The following PLIN1 variants were observed in gnomAD, a reference collection of about 807,000 sequenced individuals.
PLIN1 encodes the protein perilipin 1, also known as perilipin-1.
Under a neutral mutation model 45.8 loss-of-function variants are expected in PLIN1, and 37 were observed. The observed-to-expected ratio is 0.81, with a 90% CI of 0.62 to 1.06. The LOEUF is 1.06. Ranked by LOEUF, PLIN1 falls within the 50% of genes least tolerant of loss-of-function variation. The pLI is 0.00. For missense variants in PLIN1, 776 were observed against 716.5 expected (o/e 1.08, Z -0.95); for synonymous variants, 340 against 309.2 (o/e 1.10, Z -1.05).
chr15:89,676,077 G>A (rs974432209), intron 2 of PLIN1, among the ~76,000 whole-genome samples: 13 of 151,454 alleles, frequency 8.6e-5, no homozygotes, highest in African/African-American at 1.5e-4. Flanking sequence ...GTCAGATTCC[G>A]ATGCTCAGGC....
chr15:89,670,240 G>A lies in PLIN1; in HGVS notation c.338C>T (p.Ala113Val). The change falls in exon 5 of 9, where the codon GCT becomes GTT. Residue 113 changes from alanine (A) to valine (V), a missense_variant. By Grantham distance (64) the Ala-to-Val change is moderately conservative (BLOSUM62 0). Transcript: ENST00000300055. ...PALQYPPEKI[A>V]SELKDTISTR... Reference sequence around the variant, plus strand: ...GGAGATGGTGTCCTTCAGCTCAGAAGCAATCTGGGGGAAGTTGGTGGGGGT... The same window carrying A: ...GGAGATGGTGTCCTTCAGCTCAGAAACAATCTGGGGGAAGTTGGTGGGGGT... 1.9e-6 allele frequency: 3 copies of A among 1,610,812 alleles called. No individual in the cohort carries two copies. Among genetic ancestry groups the A allele is most frequent in the Admixed American group, 1.7e-5 (1 of 59,924 alleles).
chr15:89,671,310 G>A (rs1193576629), intron 4 of PLIN1, among the ~76,000 whole-genome samples, 172 bp downstream of exon 4: 2 of 152,034 alleles, frequency 1.3e-5, no homozygotes, highest in African/African-American at 4.8e-5. Context: ...TTCACAGGGA[G>A]AAGAGGAGCC....
rs770137939 is a variant in PLIN1, at chr15:89,667,656, TC to T, written c.908del (p.Gly303GlufsTer20). On this transcript the variant is annotated frameshift_variant, in exon 7 of 9. Transcript: ENST00000300055. LOFTEE classifies it high-confidence loss of function. ...ATTCTTCCTCCTCCTCCGTGTCCTC[TC>T]CCTCCGTGTCTGTCTGGTCCTCATG... ...EDHEDQTDTE[G>X]EDTEEEEELE... 2.8e-5 allele frequency: 45 copies of T among 1,608,676 alleles called. No homozygotes were observed. The highest frequency in any genetic ancestry group is 3.8e-5 in the Non-Finnish European group (45 of 1,177,222).
chr15:89,665,498 T>A lies in PLIN1; in HGVS notation c.*85A>T. On this transcript the variant is annotated 3_prime_UTR_variant, in exon 9 of 9. Coordinates refer to ENST00000300055, the MANE Select transcript of PLIN1 (RefSeq NM_002666.5). ...GCTCCCCAGGGGACCACTTTGAAAG[T>A]GGCAACGCTCGCCTGGGCAGTGCGG... 7.3e-7 allele frequency: 1 copy of A among 1,365,234 alleles called. No homozygotes were observed. Among genetic ancestry groups the A allele is most frequent in the Non-Finnish European group, 9.9e-7 (1 of 1,012,624 alleles). 84.6% of individuals were successfully genotyped at this position (1,365,234 alleles called of 1,614,324 possible). A position where few individuals can be genotyped will look rare whatever the true frequency, so the allele number is the denominator to read the frequency against.
Position 89,667,634 on chromosome 15 carries a change from C to T in PLIN1, c.931G>A (p.Glu311Lys), listed in dbSNP as rs1964370399. ...AACTTGTTCTCCTCAGTCTCCAATT[C>T]TTCCTCCTCCTCCGTGTCCTCTCCC... ...TEGEDTEEEEELETEENKFSE... is the reference protein window; with the variant it reads ...TEGEDTEEEEKLETEENKFSE... The change falls in exon 7 of 9, where the codon GAA becomes AAA. Residue 311 changes from glutamate to lysine, a missense_variant. Glu to Lys is a moderately conservative substitution (Grantham distance 56, BLOSUM62 1). Coordinates refer to ENST00000300055, the MANE Select transcript of PLIN1 (RefSeq NM_002666.5). 1.2e-6 allele frequency: 2 copies of T among 1,613,410 alleles called. No individual in the cohort carries two copies. The highest frequency in any genetic ancestry group is 1.1e-5 in the South Asian group (1 of 90,896).
At chr15:89,675,598 C>G (rs188526546) in intron 2 of PLIN1, among the ~76,000 whole-genome samples, 1 of 152,050 alleles carries the variant, frequency 6.6e-6, no homozygotes, top group Non-Finnish European at 1.5e-5. Context: ...CAGAGCAAGA[C>G]TCTATATCTA....
chr15:89,670,111 AC>A lies in PLIN1; in HGVS notation c.466del (p.Val156TrpfsTer64). On this transcript the variant is annotated frameshift_variant, in exon 5 of 9. Coordinates refer to ENST00000300055, the MANE Select transcript of PLIN1 (RefSeq NM_002666.5). LOFTEE classifies it high-confidence loss of function. ...AGCAAATTCCGCAGTGTCTCTGGCC[AC>A]CCCCCAGGCAAGCTCGCACCCGGCC... The part of the protein sequence containing the change: ...ALAGCELAWG[V>X]ARDTAEFAAN... 2 of 1,613,852 alleles carry A rather than the reference AC, an allele frequency of 1.2e-6. No individual in the cohort carries two copies. The highest frequency in any genetic ancestry group is 1.1e-5 in the South Asian group (1 of 91,042).
rs1353778384 is a variant in PLIN1, at chr15:89,667,667, C to G, written c.898G>C (p.Asp300His). ...TCCTCCGTGTCCTCTCCCTCCGTGTCTGTCTGGTCCTCATGATCCTCCTCC... is the reference window on the plus strand; with the variant it reads ...TCCTCCGTGTCCTCTCCCTCCGTGTGTGTCTGGTCCTCATGATCCTCCTCC... ...AQEEDHEDQT[D>H]TEGEDTEEEE... Residue 300 changes from aspartate (D) to histidine (H), a missense_variant, in exon 7 of 9, where the codon GAC (aspartate) becomes CAC (histidine). Coordinates refer to ENST00000300055, the MANE Select transcript of PLIN1 (RefSeq NM_002666.5). The G allele has an allele frequency of 1.9e-6, 3 of 1,606,268 alleles. No homozygotes were observed. Among genetic ancestry groups the G allele is most frequent in the Admixed American group, 1.7e-5 (1 of 58,726 alleles).
chr15:89,678,185 G>A (rs1964547837), intron 1 of PLIN1, among the ~76,000 whole-genome samples: 1 of 151,706 alleles, frequency 6.6e-6, no homozygotes, highest in Admixed American at 6.6e-5. Flanking sequence ...GAGCCACCAT[G>A]CCCGGCCAAG....
chr15:89,665,791 C>T lies in PLIN1; in HGVS notation c.1361G>A (p.Arg454His). 2 of 1,297,672 alleles carry T rather than the reference C, an allele frequency of 1.5e-6. No individual in the cohort carries two copies. Among genetic ancestry groups the T allele is most frequent in the Admixed American group, 4.1e-5 (1 of 24,676 alleles). The allele number at this position is 1,297,672 out of a possible 1,614,324, so 80.4% of individuals were successfully genotyped here. A position where few individuals can be genotyped will look rare whatever the true frequency, so the allele number is the denominator to read the frequency against. The part of the protein sequence containing the change: ...EPAPRLAQPR[R>H]SLRSAQSPGA... ...GGGGCTCTGCGCGCTGCGCAGGCTG[C>T]GGCGGGGCTGTGCGAGACGCGGGGC... The change falls in exon 9 of 9, where the codon CGC becomes CAC. Residue 454 changes from arginine (R) to histidine (H), a missense_variant. By Grantham distance (29) the Arg-to-His change is conservative. Transcript: ENST00000300055.
chr15:89,665,842 C>A lies in PLIN1; in HGVS notation c.1310G>T (p.Gly437Val), dbSNP rs766044739. Residue 437 changes from glycine to valine, a missense_variant, in exon 9 of 9, where the codon GGG becomes GTG. Physicochemically the swap from Gly to Val is moderately radical, Grantham distance 109. Coordinates refer to ENST00000300055, the MANE Select transcript of PLIN1 (RefSeq NM_002666.5). ...ERREAERRASGAPSAGPEPAP... is the reference protein window; with the variant it reads ...ERREAERRASVAPSAGPEPAP... ...GGGCTCCGGGCCGGCGGACGGCGCC[C>A]CAGACGCTCTGCGCTCCGCCTCCCG... is the stretch of plus-strand genomic sequence containing the variant. The A allele has an allele frequency of 3.4e-6, 5 of 1,462,792 alleles. No homozygotes were observed. Among genetic ancestry groups the A allele is most frequent in the Non-Finnish European group, 4.5e-6 (5 of 1,109,232 alleles). The allele number at this position is 1,462,792 out of a possible 1,614,324, so 90.6% of individuals were successfully genotyped here. A position where few individuals can be genotyped will look rare whatever the true frequency, so the allele number is the denominator to read the frequency against.
chr15:89,675,361 C>T (rs992093141), intron 2 of PLIN1, among the ~76,000 whole-genome samples: 2 of 141,402 alleles, frequency 1.4e-5, no homozygotes, highest in African/African-American at 5.3e-5. Context: ...AATCCCAACA[C>T]TTTGGGAGGC....
rs575819860 is a variant in PLIN1 at position 89,679,188 on chromosome 15, T to C, written c.-15+63A>G. The C allele has an allele frequency of 2.8e-4, 42 of 152,150 alleles. No individual in the cohort carries two copies. In the South Asian group the frequency reaches 8.1e-3, roughly 29 times the overall value. 9.4% of individuals were successfully genotyped at this position (152,150 alleles called of 1,614,324 possible). A position where few individuals can be genotyped will look rare whatever the true frequency, so the allele number is the denominator to read the frequency against. The stretch of plus-strand genomic sequence containing the variant: ...AGATTCTGGTATCTATACCAGAATC[T>C]CTCCCTCAGTAGTTTCCCTGCAGAG... On this transcript the variant is annotated intron_variant, in intron 1 of 8. Coordinates refer to ENST00000300055, the MANE Select transcript of PLIN1 (RefSeq NM_002666.5).
chr15:89,674,237 G>A (rs1262325002), intron 2 of PLIN1, among the ~76,000 whole-genome samples: 3 of 152,086 alleles, frequency 2.0e-5, no homozygotes, highest in East Asian at 1.9e-4. Flanking sequence ...TCCTCTGGTC[G>A]ACTTGTATTT....
At position 89,667,781 on chromosome 15, in the gene PLIN1, G is replaced by C; in HGVS notation, c.784C>G (p.Gln262Glu). 6.4e-7 allele frequency: 1 copy of C among 1,557,444 alleles called. No individual in the cohort carries two copies. The highest frequency in any genetic ancestry group is 8.7e-7 in the Non-Finnish European group (1 of 1,151,028). The change falls in exon 7 of 9, where the codon CAG becomes GAG. Residue 262 changes from glutamine to glutamate, a missense_variant. Physicochemically the swap from Gln to Glu is conservative, Grantham distance 29 (BLOSUM62 2). Transcript: ENST00000300055. ...PGVVPLSSLA[Q>E]WGASVAMQAV... ...TGCATGGCCACTGAGGCACCCCACT[G>C]GGCCAGGCTGCTCTGAGGGAGGATG...
chr15:89,670,966 G>A (rs1017049847), intron 4 of PLIN1, among the ~76,000 whole-genome samples: 13 of 152,200 alleles, frequency 8.5e-5, no homozygotes, highest in African/African-American at 3.1e-4. Context: ...TGAGATAGAT[G>A]AGGTCAGAGA....
At chr15:89,669,354 T>C in intron 6 of PLIN1, 146 bp downstream of exon 6, 1 of 754,622 alleles carries the variant, frequency 1.3e-6, no homozygotes, top group Non-Finnish European at 2.3e-6. Flanking sequence ...CCCTCTCAAG[T>C]CCTCTTAGAA....
rs1441731068 is a variant in PLIN1 at position 89,677,390 on chromosome 15, CT to C, written c.45+54del. The C allele has an allele frequency of 2.8e-6, 4 of 1,408,658 alleles. No homozygotes were observed. In the African/African-American group the frequency reaches 5.6e-5, roughly 20 times the overall value. The allele number at this position is 1,408,658 out of a possible 1,614,324, so 87.3% of individuals were successfully genotyped here. ...TCCCCTGCATCTCCCCTCCCTGCTT[CT>C]TCCTCCTCCCTCAGTTGTCCATCCC... On this transcript the variant is annotated intron_variant, in intron 2 of 8. Transcript: ENST00000300055.
intron 2 of PLIN1, chr15:89,677,162 G>A (rs1351452100): frequency 9.8e-6 from 5 of 512,738 alleles, no homozygotes; most frequent in Non-Finnish European, 1.8e-5. Flanking sequence ...GGTTTAAACA[G>A]TAGTTTCCTT....
Sources: gnomAD v4.1 joint callset for allele counts (sites outside exome capture counted in the v4.1 genomes callset) on GRCh38, gnomAD v4.1.1 for gene constraint, MANE v1.5 for transcripts, NCBI Gene and HGNC (gene_info 2026-07-23, HGNC 2026-07-21) for gene names.